The following SPC25 variants were observed in gnomAD, a reference collection of about 807,000 sequenced individuals.
SPC25 encodes SPC25 component of NDC80 kinetochore complex.
In SPC25, 22 loss-of-function variants were observed where a neutral mutation model predicts 29.6. The observed-to-expected ratio is 0.74, with a 90% CI of 0.53 to 1.06. The LOEUF (loss-of-function observed/expected upper bound fraction) is 1.06. Among genes scored for constraint, SPC25 ranks in the 50% least tolerant of loss-of-function variants. The probability of loss-of-function intolerance (pLI) is 0.00; values close to 1 mark genes in which losing one functional copy is unlikely to be tolerated. For missense variants in SPC25, 230 were observed against 255.8 expected (o/e 0.90, Z 0.69); for synonymous variants, 91 against 90.4 (o/e 1.01, Z -0.04).
Position 168,876,132 on chromosome 2 carries a change from G to C in SPC25, c.391C>G (p.Leu131Val). The C allele has an allele frequency of 3.2e-6, 5 of 1,570,168 alleles. No individual in the cohort carries two copies. The highest frequency in any genetic ancestry group is 4.3e-6 in the Non-Finnish European group (5 of 1,165,570). ...NKANAERLKRLQKSADLYKDR... is the reference protein window; with the variant it reads ...NKANAERLKRVQKSADLYKDR... ...TTATACAAGTCTGCAGATTTCTGCA[G>C]CCTTTTCAACCTCTCTGCATTCGCT... is the stretch of plus-strand genomic sequence containing the variant. Residue 131 changes from leucine to valine, a missense_variant, in exon 5 of 7, where the codon CTG becomes GTG. Transcript: ENST00000282074.
At chr2:168,867,040 G>C (rs559040143), downstream of SPC25, among the ~76,000 whole-genome samples, 2 of 152,138 alleles carry the variant, frequency 1.3e-5, no homozygotes, top group South Asian at 2.1e-4. Flanking sequence ...CTGTAAACTA[G>C]TTCAACCATT....
chr2:168,879,380 A>C (rs1162390566), intron 3 of SPC25, among the ~76,000 whole-genome samples: 1 of 152,274 alleles, frequency 6.6e-6, no homozygotes, highest in African/African-American at 2.4e-5. Context: ...CAATGTTCAC[A>C]GCATCTTCAC....
chr2:168,876,696 G>A (rs1690093214), intron 4 of SPC25, among the ~76,000 whole-genome samples: 1 of 148,866 alleles, frequency 6.7e-6, no homozygotes, highest in African/African-American at 2.5e-5. Context: ...TCACAATTTA[G>A]ACTTGGATAA....
intron 6 of SPC25, 99 bp from the exon 7 acceptor site, chr2:168,871,654 C>G (rs1287120058): frequency 5.0e-5 from 55 of 1,101,546 alleles, no homozygotes; most frequent in Non-Finnish European, 6.9e-5. Flanking sequence ...GTTTGAATGT[C>G]AATTCCATCT....
rs1054841627 is a variant in SPC25 at position 168,863,643 on chromosome 2, TG to T, written n.419+9941del. 2.9e-5 allele frequency: 28 copies of T among 969,514 alleles called. No homozygotes were observed. In the African/African-American group the frequency reaches 5.5e-4, roughly 19 times the overall value. 60.1% of individuals were successfully genotyped at this position (969,514 alleles called of 1,614,324 possible). A position where few individuals can be genotyped will look rare whatever the true frequency, so the allele number is the denominator to read the frequency against. ...GTTGAATGGGGAGTTACATTTTGAA[TG>T]GGGAGTTACATTTCTGTGCAAAGCT... On this transcript the variant is annotated intron_variant and non_coding_transcript_variant, in intron 4 of 4. Coordinates refer to the SPC25 transcript ENST00000479309.
chr2:168,864,458 G>C (rs1689723151), intron 4 of SPC25, among the ~76,000 whole-genome samples: 1 of 151,230 alleles, frequency 6.6e-6, no homozygotes, highest in Admixed American at 6.6e-5. Flanking sequence ...GCTAATTTTT[G>C]TATTTTTAGC....
intron 1 of SPC25, 85 bp from the exon 2 acceptor site, chr2:168,889,618 A>G: frequency 1.4e-6 from 2 of 1,399,008 alleles, no homozygotes; most frequent in Non-Finnish European, 1.9e-6. Flanking sequence ...GTATTTTGGC[A>G]ATTTGTCCTT....
chr2:168,862,806 A>G (rs1254107706), intron 4 of SPC25, among the ~76,000 whole-genome samples: 2 of 152,222 alleles, frequency 1.3e-5, no homozygotes, highest in African/African-American at 4.8e-5. Context: ...GCGCTAATGC[A>G]GAGATCTGGA....
At chr2:168,864,890 A>C in intron 4 of SPC25, 1 of 1,613,978 alleles carries the variant, frequency 6.2e-7, no homozygotes. Flanking sequence ...TGGATCTTTG[A>C]ATGGGAAAAA....
At chr2:168,879,045 A>G (rs185891585) in intron 3 of SPC25, among the ~76,000 whole-genome samples, 62 of 152,378 alleles carry the variant, frequency 4.1e-4, no homozygotes, top group African/African-American at 1.5e-3. Context: ...TTGCTAAAAT[A>G]TGCTAATAAT....
At chr2:168,886,001 T>TTCTATCCTCACACAGCA (rs1159163522) in intron 3 of SPC25, among the ~76,000 whole-genome samples, 1 of 152,042 alleles carries the variant, frequency 6.6e-6, no homozygotes, top group Non-Finnish European at 1.5e-5. Flanking sequence ...ACCCTCCAGA[T>TTCTATCCTCACACAGCA]TCTATCCTCA....
chr2:168,870,837 C>T (rs542441652), downstream of SPC25: 1 of 151,566 alleles, frequency 6.6e-6, no homozygotes, highest in East Asian at 1.9e-4. Flanking sequence ...TACCATTTGA[C>T]CCAGCCCTCC....
chr2:168,871,926 G>T (rs956887869), intron 6 of SPC25, among the ~76,000 whole-genome samples: 1 of 149,590 alleles, frequency 6.7e-6, no homozygotes, highest in Admixed American at 6.7e-5. Flanking sequence ...CAACACTTTG[G>T]TCTGACTGAC....
intron 5 of SPC25, among the ~76,000 whole-genome samples, chr2:168,875,126 A>G (rs1690062968): frequency 6.6e-6 from 1 of 152,148 alleles, no homozygotes; most frequent in Non-Finnish European, 1.5e-5. Flanking sequence ...TGCAAAGAAA[A>G]TGGGAAAGTC....
chr2:168,885,061 A>G (rs886666785), intron 3 of SPC25, among the ~76,000 whole-genome samples: 1 of 152,214 alleles, frequency 6.6e-6, no homozygotes, highest in Admixed American at 6.5e-5. Flanking sequence ...TGGCTTCCAG[A>G]TGAATATATC....
chr2:168,862,079 C>T, intron 4 of SPC25: 1 of 1,578,490 alleles, frequency 6.3e-7, no homozygotes, highest in Non-Finnish European at 8.7e-7. Context: ...ATTTTAATTG[C>T]CTTCCCATAT....
At chr2:168,871,792 CAG>C (rs1491184112) in intron 6 of SPC25, among the ~76,000 whole-genome samples, 1 of 152,030 alleles carries the variant, frequency 6.6e-6, no homozygotes, top group Non-Finnish European at 1.5e-5. Flanking sequence ...TAAATTTAAA[CAG>C]ATGGCACTGA....
chr2:168,869,744 G>A (rs1353006663), downstream of SPC25, among the ~76,000 whole-genome samples: 3 of 152,172 alleles, frequency 2.0e-5, no homozygotes, highest in African/African-American at 7.2e-5. Context: ...ATGCTCCTGG[G>A]TAGGAAGAAT....
chr2:168,873,802 CA>C (rs1421882199), intron 5 of SPC25, 119 bp from the exon 6 acceptor site: 2 of 548,572 alleles, frequency 3.6e-6, no homozygotes, highest in Non-Finnish European at 6.5e-6. Flanking sequence ...CCAACATTTC[CA>C]AATGCAGAAG....
Sources: gnomAD v4.1 joint callset for allele counts (sites outside exome capture counted in the v4.1 genomes callset) on GRCh38, gnomAD v4.1.1 for gene constraint, MANE v1.5 for transcripts, NCBI Gene and HGNC (gene_info 2026-07-23, HGNC 2026-07-21) for gene names.